Variants in EFR3A observed in about 807,000 individuals in gnomAD.
EFR3A encodes the protein protein EFR3 homolog A.
Under a neutral mutation model 104.4 loss-of-function variants are expected in EFR3A, and 76 were observed. The ratio of observed to expected loss-of-function variants is 0.73; its 90% confidence interval spans 0.60 to 0.88. EFR3A has a LOEUF of 0.88. Among genes scored for constraint, EFR3A ranks in the 40% least tolerant of loss-of-function variants. The pLI is 0.00. For missense variants in EFR3A, 985 were observed against 1,012.5 expected (o/e 0.97, Z 0.37); for synonymous variants, 330 against 330.0 (o/e 1.00, Z 0.00).
chr8:131,907,689 C>G lies in EFR3A; in HGVS notation c.10+3367C>G, dbSNP rs1326147710. Among the ~76,000 whole-genome samples the G allele has an allele frequency of 2.0e-5, 3 of 152,004 alleles. No individual in the cohort carries two copies. In the East Asian group the frequency reaches 5.8e-4, roughly 29 times the overall value. ...TTGAAGTGTTTTCCTTTTAGAGACA[C>G]ATTACATGCAAACTTGACCTACACT... On this transcript the variant is annotated intron_variant, in intron 1 of 22. Transcript: ENST00000254624.
intron 10 of EFR3A, among the ~76,000 whole-genome samples, chr8:131,973,217 TA>T (rs1234667962): frequency 6.6e-6 from 1 of 151,916 alleles, no homozygotes; most frequent in Non-Finnish European, 1.5e-5. Context: ...TAATAAAGCA[TA>T]GACATTCTAG....
rs141567159 is a variant in EFR3A at position 132,007,457 on chromosome 8, A to G, written c.2361-3333A>G. Among the ~76,000 whole-genome samples the G allele has an allele frequency of 1.2e-3, 179 of 152,088 alleles. 1 individual carries two copies. The highest frequency in any genetic ancestry group is 4.1e-3 in the African/African-American group (170 of 41,560). ...TTTCTGTTATGAATATAAAACATGAATGAGAGAAATTAACACCTAAACAAA... is the reference window on the plus strand; with the variant it reads ...TTTCTGTTATGAATATAAAACATGAGTGAGAGAAATTAACACCTAAACAAA... On this transcript the variant is annotated intron_variant, in intron 22 of 22. Coordinates refer to ENST00000254624, the MANE Select transcript of EFR3A (RefSeq NM_015137.6).
At chr8:131,992,700 C>T (rs1000148439) in intron 18 of EFR3A, among the ~76,000 whole-genome samples, 3 of 151,984 alleles carry the variant, frequency 2.0e-5, no homozygotes, top group African/African-American at 7.3e-5. Flanking sequence ...AAGAGGATGA[C>T]GAAGGGCAGG....
rs916799028 is a variant in EFR3A, at chr8:131,958,518, G to C, written c.777-1067G>C. Among the ~76,000 whole-genome samples the C allele has an allele frequency of 2.4e-4, 36 of 151,886 alleles. 1 individual carries two copies. Among genetic ancestry groups the C allele is most frequent in the African/African-American group, 2.4e-5 (1 of 41,354 alleles). ...GTTCAAATTCTTCTTCGAATGTATA[G>C]AGCCTAGAGCATAGTATGTAACACG... On this transcript the variant is annotated intron_variant, in intron 7 of 22. Transcript: ENST00000254624.
intron 1 of EFR3A, among the ~76,000 whole-genome samples, chr8:131,920,513 T>C (rs1046710598): frequency 7.9e-5 from 12 of 152,096 alleles, no homozygotes; most frequent in African/African-American, 2.9e-4. Flanking sequence ...CTTCTAGAAG[T>C]GGTAAGTTTT....
At chr8:131,977,114 A>G (rs1820361115) in intron 12 of EFR3A, 22 bp downstream of exon 12, 1 of 1,565,062 alleles carries the variant, frequency 6.4e-7, no homozygotes, top group South Asian at 1.2e-5. Flanking sequence ...AAGACAAATA[A>G]AGGACACACT....
chr8:131,942,542 T>A (rs1397047839), intron 2 of EFR3A, among the ~76,000 whole-genome samples: 1 of 152,122 alleles, frequency 6.6e-6, no homozygotes, highest in Non-Finnish European at 1.5e-5. Flanking sequence ...CTCATAATGT[T>A]CTCATGAGGA....
chr8:132,001,695 A>T, intron 19 of EFR3A, 64 bp from the exon 20 acceptor site: 1 of 1,373,760 alleles, frequency 7.3e-7, no homozygotes, highest in South Asian at 1.2e-5. Context: ...ACTTGTAACT[A>T]GGTAAAGGTG....
intron 8 of EFR3A, among the ~76,000 whole-genome samples, chr8:131,965,523 G>A (rs979772884): frequency 8.5e-5 from 13 of 152,110 alleles, no homozygotes; most frequent in African/African-American, 1.2e-4. Flanking sequence ...ACCATCTCAC[G>A]CCAATTAGAA....
intron 14 of EFR3A, among the ~76,000 whole-genome samples, chr8:131,979,824 A>G (rs1436545359): frequency 6.6e-6 from 1 of 152,122 alleles, no homozygotes; most frequent in African/African-American, 2.4e-5. Context: ...GTCTTATTAG[A>G]CATTGTTTTC....
chr8:131,986,768 G>C (rs1406199272), intron 17 of EFR3A, among the ~76,000 whole-genome samples: 1 of 137,500 alleles, frequency 7.3e-6, no homozygotes, highest in African/African-American at 2.7e-5. Context: ...CTGGGTAAAA[G>C]AGCAGAGCGA....
At chr8:131,986,486 T>C (rs577610352) in intron 17 of EFR3A, among the ~76,000 whole-genome samples, 1 of 152,284 alleles carries the variant, frequency 6.6e-6, no homozygotes, top group East Asian at 1.9e-4. Context: ...GAAAAAATTT[T>C]TTAAGAATAA....
At chr8:131,942,158 G>A (rs1818198889) in intron 2 of EFR3A, among the ~76,000 whole-genome samples, 1 of 152,030 alleles carries the variant, frequency 6.6e-6, no homozygotes, top group Non-Finnish European at 1.5e-5. Flanking sequence ...TCATTGAAAT[G>A]ACCATAGGTA....
At chr8:131,916,920 C>T (rs749380047) in intron 1 of EFR3A, among the ~76,000 whole-genome samples, 6 of 152,180 alleles carry the variant, frequency 3.9e-5, no homozygotes, top group Non-Finnish European at 7.4e-5. Context: ...CTGTCCTATA[C>T]GTCTGGCCTA....
intron 12 of EFR3A, among the ~76,000 whole-genome samples, chr8:131,977,492 G>A (rs1563683550): frequency 6.6e-6 from 1 of 152,080 alleles, no homozygotes; most frequent in Non-Finnish European, 1.5e-5. Flanking sequence ...AATTGCTTCT[G>A]ATTGGGAAAA....
chr8:131,995,686 A>G (rs1408709499), intron 18 of EFR3A, among the ~76,000 whole-genome samples: 1 of 152,164 alleles, frequency 6.6e-6, no homozygotes, highest in Non-Finnish European at 1.5e-5. Context: ...TTGGGATTAT[A>G]ATTACAGGAC....
At chr8:131,959,470 C>T (rs1255041515) in intron 7 of EFR3A, 115 bp from the exon 8 acceptor site, 1 of 743,754 alleles carries the variant, frequency 1.3e-6, no homozygotes, top group Admixed American at 3.2e-5. Flanking sequence ...AAATTGAAAT[C>T]TTGCTTTTCT....
In EFR3A at chr8:132,001,932, A is replaced by G. The variant is rs1243359381; in HGVS notation, c.2206+125A>G. The G allele has an allele frequency of 9.3e-6, 7 of 751,906 alleles. No individual in the cohort carries two copies. The East Asian group carries it at 1.0e-4, about 11-fold the overall frequency. 46.6% of individuals were successfully genotyped at this position (751,906 alleles called of 1,614,324 possible). A position where few individuals can be genotyped will look rare whatever the true frequency, so the allele number is the denominator to read the frequency against. ...AAACCAAAGAAACTTGTTGGCTTCT[A>G]TAGACATGTATCATTTATTTAGCTA... On this transcript the variant is annotated intron_variant, in intron 20 of 22. Coordinates refer to ENST00000254624, the MANE Select transcript of EFR3A (RefSeq NM_015137.6).
At chr8:131,907,986 C>T (rs2130365691) in intron 1 of EFR3A, among the ~76,000 whole-genome samples, 1 of 151,964 alleles carries the variant, frequency 6.6e-6, no homozygotes, top group African/African-American at 2.4e-5. Flanking sequence ...CTTGTGGGGA[C>T]ATGGGGCTAC....
Sources: gnomAD v4.1 joint callset for allele counts (sites outside exome capture counted in the v4.1 genomes callset) on GRCh38, gnomAD v4.1.1 for gene constraint, MANE v1.5 for transcripts, NCBI Gene and HGNC (gene_info 2026-07-23, HGNC 2026-07-21) for gene names.